KIF1A: variants seen among roughly 807,000 people sequenced by gnomAD.
The protein encoded by KIF1A is kinesin family member 1A.
In KIF1A, 46 loss-of-function variants were observed where a neutral mutation model predicts 227.3. That is an observed-to-expected ratio of 0.20 (90% CI 0.16 to 0.26). KIF1A has a LOEUF of 0.26. Among genes scored for constraint, KIF1A ranks in the 10% least tolerant of loss-of-function variants. The pLI, the probability that KIF1A is intolerant of heterozygous loss-of-function variation, is 1.00. For synonymous variants in KIF1A, 1,022 were observed against 1,012.8 expected, an observed-to-expected ratio of 1.01 and a Z score of -0.17; for missense variants, 1,683 against 2,485.9, an observed-to-expected ratio of 0.68 and a Z score of 6.87.
At chr2:240,773,365 C>A in intron 12 of KIF1A, 109 bp from the exon 13 acceptor site, 1 of 1,401,320 alleles carries the variant, frequency 7.1e-7, no homozygotes. Flanking sequence ...GCTCAGCAGC[C>A]AGGCCAAAGG....
chr2:240,788,025 G>T lies in KIF1A; in HGVS notation c.363+26C>A. 2.7e-6 allele frequency: 4 copies of T among 1,466,760 alleles called. No homozygotes were observed. The highest frequency in any genetic ancestry group is 3.7e-6 in the Non-Finnish European group (4 of 1,073,788). The allele number at this position is 1,466,760 out of a possible 1,614,324, so 90.9% of individuals were successfully genotyped here. ...TGGTCCCGCCCCATCTGCCAGGGCT[G>T]CCCCCGCCCGCCCCCCGCTTCGTGC... On this transcript the variant is annotated intron_variant, in intron 4 of 48. Transcript: ENST00000498729. The surrounding 1 kb of genome is among the most constrained non-coding windows in gnomAD (Gnocchi z 6.6).
At chr2:240,741,526 C>T in intron 34 of KIF1A, 149 bp from the exon 35 acceptor site, 1 of 609,372 alleles carries the variant, frequency 1.6e-6, no homozygotes, top group Non-Finnish European at 2.8e-6. Flanking sequence ...CAGCCAACCC[C>T]AGCCATTCCC....
rs1252340827 is a variant in KIF1A at position 240,785,073 on chromosome 2, C to T, written c.636G>A (p.Glu212=). ...AGACGGCGTGGGAGCGACTGCTGGT[C>T]TCATTCATGTTGGTGGCCGCCACGG... ...ARTVAATNMN[E]TSSRSHAVFN... Residue 212 remains glutamate (E), a synonymous_variant, in exon 7 of 49, where the codon GAG becomes GAA. Transcript: ENST00000498729. 11 of 1,613,360 alleles carry T rather than the reference C, an allele frequency of 6.8e-6. No homozygotes were observed. The highest frequency in any genetic ancestry group is 2.2e-5 in the East Asian group (1 of 44,886).
At position 240,763,243 on chromosome 2, in the gene KIF1A, C is replaced by T; in HGVS notation, c.1872G>A (p.Glu624=). The T allele has an allele frequency of 3.1e-6, 5 of 1,613,098 alleles. No homozygotes were observed. The highest frequency in any genetic ancestry group is 4.2e-6 in the Non-Finnish European group (5 of 1,179,742). Reference sequence around the variant, plus strand: ...GCTGGGCGAAGGCCCAGTCCACAGGCTCAGCTGGCGTCTCCGCACAAGGCG... The same window carrying T: ...GCTGGGCGAAGGCCCAGTCCACAGGTTCAGCTGGCGTCTCCGCACAAGGCG... ...ERTPCAETPA[E]PVDWAFAQRE... The change falls in exon 21 of 49, where the codon GAG becomes GAA. Residue 624 remains glutamate (E), a synonymous_variant. Coordinates refer to ENST00000498729, the MANE Select transcript of KIF1A (RefSeq NM_001244008.2).
intron 38 of KIF1A, among the ~76,000 whole-genome samples, chr2:240,733,369 AC>A (rs1179341445): frequency 1.3e-5 from 2 of 152,046 alleles, no homozygotes. Flanking sequence ...CGCCAGACTC[AC>A]TGCAGGGAGA....
chr2:240,723,881 C>A, intron 41 of KIF1A, 94 bp downstream of exon 41: 1 of 1,062,200 alleles, frequency 9.4e-7, no homozygotes, highest in Non-Finnish European at 1.5e-6. Flanking sequence ...GTGAGGGATC[C>A]CCCTGCAAAT....
intron 1 of KIF1A, among the ~76,000 whole-genome samples, chr2:240,800,849 C>A (rs969777992): frequency 6.6e-6 from 1 of 152,200 alleles, no homozygotes; most frequent in Non-Finnish European, 1.5e-5. Flanking sequence ...TGGCTGAAAG[C>A]CCAGCAAGGT....
At position 240,728,031 on chromosome 2, in the gene KIF1A, G is replaced by A. The variant is rs551610035; in HGVS notation, c.4008-1091C>T. Among the ~76,000 whole-genome samples the A allele has an allele frequency of 5.8e-4, 89 of 152,284 alleles. 1 individual carries two copies. The highest frequency in any genetic ancestry group is 2.0e-3 in the African/African-American group (84 of 41,552). On this transcript the variant is annotated intron_variant, in intron 38 of 48. Transcript: ENST00000498729. ...ACCCAGCTCCCCTCCAAGCATCCTCGCAAGGACACAGTTCAGAGACATCAA... is the reference window on the plus strand; with the variant it reads ...ACCCAGCTCCCCTCCAAGCATCCTCACAAGGACACAGTTCAGAGACATCAA...
chr2:240,804,831 CCAAAGCACCTAA>C (rs920634322), intron 1 of KIF1A, among the ~76,000 whole-genome samples: 9 of 152,056 alleles, frequency 5.9e-5, no homozygotes, highest in Non-Finnish European at 1.0e-4. Flanking sequence ...GAGTTAGGCC[CCAAAGCACCTAA>C]CAAAGCACAT....
At chr2:240,774,351 G>C in intron 11 of KIF1A, 90 bp from the exon 12 acceptor site, 2 of 794,662 alleles carry the variant, frequency 2.5e-6, no homozygotes. Flanking sequence ...TTACAGATGG[G>C]GAGGCTGAGG....
In KIF1A at chr2:240,742,944, G is replaced by A. The variant is rs1322603935; in HGVS notation, c.3625C>T (p.Pro1209Ser). The A allele has an allele frequency of 6.2e-7, 1 of 1,611,474 alleles. No homozygotes were observed. The highest frequency in any genetic ancestry group is 1.1e-5 in the South Asian group (1 of 90,454). ...PSRRHFPRVMPLSKPVPATKL... is the reference protein window; with the variant it reads ...PSRRHFPRVMSLSKPVPATKL... The stretch of plus-strand genomic sequence containing the variant: ...CCCTTCCTACCTGGCTTGGACAGTG[G>A]CATGACCCGAGGGAAGTGGCGGCGC... The change falls in exon 34 of 49, where the codon CCA becomes TCA. Residue 1209 changes from proline (P) to serine (S), a missense_variant. Transcript: ENST00000498729.
At position 240,775,867 on chromosome 2, in the gene KIF1A, G is replaced by A; in HGVS notation, c.942C>T (p.Leu314=). ...AGTTCTCACCCAGGTTTTCCCGGAGGAGCCAGGTCAACACGGAATCTCGGT... is the reference window on the plus strand; with the variant it reads ...AGTTCTCACCCAGGTTTTCCCGGAGAAGCCAGGTCAACACGGAATCTCGGT... ...IPYRDSVLTW[L]LRENLGGNSR... The change falls in exon 11 of 49, where the codon CTC becomes CTT. Residue 314 remains leucine, a synonymous_variant. Coordinates refer to ENST00000498729, the MANE Select transcript of KIF1A (RefSeq NM_001244008.2). The surrounding 1 kb of genome is among the most constrained non-coding windows in gnomAD (Gnocchi z 5.5). The A allele has an allele frequency of 3.7e-6, 6 of 1,610,610 alleles. No individual in the cohort carries two copies. The highest frequency in any genetic ancestry group is 2.2e-5 in the East Asian group (1 of 44,854).
chr2:240,719,024 G>T lies in KIF1A; in HGVS notation c.5196C>A (p.Asp1732Glu). 6.2e-7 allele frequency: 1 copy of T among 1,609,128 alleles called. No homozygotes were observed. The highest frequency in any genetic ancestry group is 8.5e-7 in the Non-Finnish European group (1 of 1,176,956). Residue 1732 changes from aspartate to glutamate, a missense_variant, in exon 47 of 49, where the codon GAC becomes GAA. Asp to Glu is a conservative substitution (Grantham distance 45). Transcript: ENST00000498729. ...LATAQVEYSEDQQAMLKTPNT... is the reference protein window; with the variant it reads ...LATAQVEYSEEQQAMLKTPNT... ...GCCGCACCTTGAGCATAGCCTGCTG[G>T]TCCTCACTGTACTCCACCTGGGCAG...
At chr2:240,819,209 G>C (rs991682857) in intron 1 of KIF1A, among the ~76,000 whole-genome samples, 5 of 152,192 alleles carry the variant, frequency 3.3e-5, no homozygotes, top group Non-Finnish European at 7.4e-5. Flanking sequence ...GGAAGTCAGC[G>C]TGAGGAGCGG....
rs376608552 is a variant in KIF1A at position 240,741,226 on chromosome 2, C to T, written c.3749+43G>A. The T allele has an allele frequency of 1.1e-4, 157 of 1,370,212 alleles. No homozygotes were observed. In the African/African-American group the frequency reaches 2.0e-3, roughly 18 times the overall value. The allele number at this position is 1,370,212 out of a possible 1,614,324, so 84.9% of individuals were successfully genotyped here. ...TCCTCGTCCCTCTCCGCGCACCCCC[C>T]GACACACACTCACGCCCTGGGGGCC... On this transcript the variant is annotated intron_variant, in intron 35 of 48. Coordinates refer to ENST00000498729, the MANE Select transcript of KIF1A (RefSeq NM_001244008.2).
In KIF1A at chr2:240,752,613, G is replaced by A. The variant is rs371074572; in HGVS notation, c.2859-2066C>T. On this transcript the variant is annotated intron_variant, in intron 27 of 48. Coordinates refer to ENST00000498729, the MANE Select transcript of KIF1A (RefSeq NM_001244008.2). This position sits in a 1 kb window ranked among gnomAD's most constrained non-coding sequence, Gnocchi z 6.4. ...AGCACGGCTCTTCCCCGTGGCTGGC[G>A]CACCACACTGGGGGAGACATAATGA... Among the ~76,000 whole-genome samples the A allele has an allele frequency of 5.8e-4, 88 of 152,228 alleles. 1 individual carries two copies. Among genetic ancestry groups the A allele is most frequent in the African/African-American group, 1.8e-3 (75 of 41,546 alleles).
Position 240,813,440 on chromosome 2 carries a change from G to A in KIF1A, c.-61+6682C>T, listed in dbSNP as rs931880433. Among the ~76,000 whole-genome samples the A allele has an allele frequency of 3.3e-5, 5 of 152,304 alleles. No individual in the cohort carries two copies. In the South Asian group the frequency reaches 1.0e-3, roughly 32 times the overall value. ...GGCACCTGGTGGAAGGCAGGGGTGAGAAGTGAGGCTAACATGGAAGCCCGC... is the reference window on the plus strand; with the variant it reads ...GGCACCTGGTGGAAGGCAGGGGTGAAAAGTGAGGCTAACATGGAAGCCCGC... On this transcript the variant is annotated intron_variant, in intron 1 of 48. Coordinates refer to ENST00000498729, the MANE Select transcript of KIF1A (RefSeq NM_001244008.2).
chr2:240,766,785 ACG>A lies in KIF1A; in HGVS notation c.1684+128_1684+129del. Reference sequence around the variant, plus strand: ...CACACACACACACACACACACACACACGTCCTGCCTAGAAGTATGACTCGCGA... The same window carrying A: ...CACACACACACACACACACACACACATCCTGCCTAGAAGTATGACTCGCGA... On this transcript the variant is annotated intron_variant, in intron 19 of 48. Transcript: ENST00000498729. This position sits in a 1 kb window ranked among gnomAD's most constrained non-coding sequence, Gnocchi z 5.0. 1.6e-6 allele frequency: 1 copy of A among 626,398 alleles called. No homozygotes were observed. Among genetic ancestry groups the A allele is most frequent in the Non-Finnish European group, 2.9e-6 (1 of 344,588 alleles). 38.8% of individuals were successfully genotyped at this position (626,398 alleles called of 1,614,324 possible).
chr2:240,788,704 G>A lies in KIF1A; in HGVS notation c.184-474C>T, dbSNP rs1321230601. On this transcript the variant is annotated intron_variant, in intron 3 of 48. Transcript: ENST00000498729. This position sits in a 1 kb window ranked among gnomAD's most constrained non-coding sequence, Gnocchi z 6.6. ...GGTCATCCTGGAAGGAGGAAGGACT[G>A]GATGGGGAAGGCAGAAGCGGGGAGC... is the stretch of plus-strand genomic sequence containing the variant. 6.6e-6 allele frequency among the ~76,000 whole-genome samples: 1 copy of A among 152,088 alleles called. No individual in the cohort carries two copies. The highest frequency in any genetic ancestry group is 1.5e-5 in the Non-Finnish European group (1 of 68,022).
Sources: gnomAD v4.1 joint callset for allele counts (sites outside exome capture counted in the v4.1 genomes callset) on GRCh38, gnomAD v4.1.1 for gene constraint, Gnocchi (gnomAD v3.1) non-coding constraint, MANE v1.5 for transcripts, NCBI Gene and HGNC (gene_info 2026-07-23, HGNC 2026-07-21) for gene names.